The following GRID2 variants were observed in gnomAD, a reference collection of about 807,000 sequenced individuals.
GRID2 encodes glutamate ionotropic receptor delta type subunit 2.
In GRID2, 33 loss-of-function variants were observed where a neutral mutation model predicts 114.8. The ratio of observed to expected loss-of-function variants is 0.29; its 90% CI spans 0.22 to 0.38. The LOEUF (loss-of-function observed/expected upper bound fraction) is 0.38. GRID2 is among the 10% of genes least tolerant of loss of function. The pLI is 1.00. For synonymous variants in GRID2, 505 were observed against 449.9 expected (o/e 1.12, Z -1.55); for missense variants, 1,184 against 1,257.7 (o/e 0.94, Z 0.89).
At chr4:92,996,763 T>C (rs1276612756) in intron 2 of GRID2, among the ~76,000 whole-genome samples, 1 of 152,184 alleles carries the variant, frequency 6.6e-6, no homozygotes, top group Admixed American at 6.6e-5. Flanking sequence ...CTGGCACCCG[T>C]TGGAGCAGGC....
chr4:92,725,015 AG>A (rs1202143998), intron 2 of GRID2, among the ~76,000 whole-genome samples: 1 of 152,080 alleles, frequency 6.6e-6, no homozygotes, highest in Non-Finnish European at 1.5e-5. Context: ...ATAAGGAGTT[AG>A]GGGGCTGGGC....
At chr4:93,592,837 T>C (rs1738543774) in intron 13 of GRID2, among the ~76,000 whole-genome samples, 1 of 152,184 alleles carries the variant, frequency 6.6e-6, no homozygotes, top group Non-Finnish European at 1.5e-5. Flanking sequence ...CTTTTGATCT[T>C]TGTTGGCTTA....
chr4:93,494,744 C>G (rs151136329), intron 12 of GRID2, among the ~76,000 whole-genome samples: 2 of 151,738 alleles, frequency 1.3e-5, no homozygotes, highest in Admixed American at 6.6e-5. Flanking sequence ...ACAATTTGGG[C>G]TTTTTCATTC....
chr4:93,262,517 A>G (rs916873367), intron 8 of GRID2, among the ~76,000 whole-genome samples: 3 of 151,962 alleles, frequency 2.0e-5, no homozygotes, highest in African/African-American at 7.2e-5. Flanking sequence ...TTATATACAT[A>G]TATTTTCCAC....
At chr4:92,319,255 A>G (rs1726178515) in intron 1 of GRID2, among the ~76,000 whole-genome samples, 1 of 152,152 alleles carries the variant, frequency 6.6e-6, no homozygotes, top group Non-Finnish European at 1.5e-5. Context: ...AGTCTAATCT[A>G]CCTAAATGAT....
In GRID2 at chr4:93,744,744, T is replaced by C. The variant is rs1361661768; in HGVS notation, c.2361-24466T>C. On this transcript the variant is annotated intron_variant, in intron 14 of 15. Coordinates refer to ENST00000282020, the MANE Select transcript of GRID2 (RefSeq NM_001510.4). ...GCTGACTCCATTTCAAAAGACATTCTACTGTGGATAAAATGCTATCAAACA... is the reference window on the plus strand; with the variant it reads ...GCTGACTCCATTTCAAAAGACATTCCACTGTGGATAAAATGCTATCAAACA... Among the ~76,000 whole-genome samples the C allele has an allele frequency of 3.9e-5, 6 of 152,308 alleles. No individual in the cohort carries two copies. The East Asian group carries it at 1.2e-3, about 29-fold the overall frequency.
At position 92,472,157 on chromosome 4, in the gene GRID2, T is replaced by C. The variant is rs1722076161; in HGVS notation, c.89-117974T>C. Among the ~76,000 whole-genome samples, 2 of 62,548 alleles carry C rather than the reference T, an allele frequency of 3.2e-5. 1 individual carries two copies. Among genetic ancestry groups the C allele is most frequent in the Non-Finnish European group, 6.6e-5 (2 of 30,372 alleles). The allele number at this position is 62,548 out of a possible 152,430, so 41.0% of individuals were successfully genotyped here. A position where few individuals can be genotyped will look rare whatever the true frequency, so the allele number is the denominator to read the frequency against. ...ACCGTTTTAGCCGGGATGGTCTCGA[T>C]CTCCTGACCTCGTGATCCGCCCGCC... On this transcript the variant is annotated intron_variant, in intron 1 of 15. Transcript: ENST00000282020.
intron 1 of GRID2, among the ~76,000 whole-genome samples, chr4:92,320,829 T>C (rs1042977526): frequency 3.9e-5 from 6 of 152,204 alleles, no homozygotes; most frequent in Admixed American, 1.3e-4. Flanking sequence ...TTCTGTTTTT[T>C]ACTATAAGTG....
At chr4:92,357,282 A>G (rs1049528696) in intron 1 of GRID2, among the ~76,000 whole-genome samples, 6 of 151,918 alleles carry the variant, frequency 3.9e-5, no homozygotes, top group Non-Finnish European at 7.4e-5. Context: ...AAAAACTAGA[A>G]CATTAATATT....
intron 4 of GRID2, among the ~76,000 whole-genome samples, chr4:93,177,804 A>C (rs533527243): frequency 1.4e-3 from 213 of 152,220 alleles, no homozygotes; most frequent in African/African-American, 4.8e-3. Flanking sequence ...TTTTTTTCTA[A>C]ACTACCATTA....
At chr4:92,861,612 G>A (rs1212004472) in intron 2 of GRID2, among the ~76,000 whole-genome samples, 1 of 151,922 alleles carries the variant, frequency 6.6e-6, no homozygotes, top group Non-Finnish European at 1.5e-5. Flanking sequence ...TAAGCGATAG[G>A]CATGGTAATG....
intron 14 of GRID2, among the ~76,000 whole-genome samples, chr4:93,703,959 T>G (rs1727759887): frequency 1.3e-5 from 2 of 152,116 alleles, no homozygotes; most frequent in Admixed American, 6.5e-5. Flanking sequence ...TAAACATACG[T>G]GTGCATGTGT....
chr4:93,194,592 C>A (rs1029817790), intron 4 of GRID2, among the ~76,000 whole-genome samples: 1 of 152,096 alleles, frequency 6.6e-6, no homozygotes, highest in Non-Finnish European at 1.5e-5. Flanking sequence ...TCATTTAGAA[C>A]AGGACAAACT....
In GRID2 at chr4:93,053,158, C is replaced by T. The variant is rs1379122244; in HGVS notation, c.245-31837C>T. 2.0e-5 allele frequency among the ~76,000 whole-genome samples: 3 copies of T among 151,884 alleles called. No homozygotes were observed. In the East Asian group the frequency reaches 5.8e-4, roughly 29 times the overall value. ...ATCACAGTAGTCAATATCAATGGTT[C>T]TTAAAGCGTTGTCCCAGAGCAGCAG... is the stretch of plus-strand genomic sequence containing the variant. On this transcript the variant is annotated intron_variant, in intron 2 of 15. Coordinates refer to ENST00000282020, the MANE Select transcript of GRID2 (RefSeq NM_001510.4).
At chr4:93,017,882 C>CTTTT (rs528393000) in intron 2 of GRID2, among the ~76,000 whole-genome samples, 1 of 119,114 alleles carries the variant, frequency 8.4e-6, no homozygotes, top group African/African-American at 3.1e-5. Flanking sequence ...AGACAGTAAG[C>CTTTT]TTTTTTTTTT....
At chr4:93,701,973 T>C (rs1031284151) in intron 14 of GRID2, among the ~76,000 whole-genome samples, 11 of 152,116 alleles carry the variant, frequency 7.2e-5, no homozygotes, top group Non-Finnish European at 1.3e-4. Context: ...AGTTTTGTCT[T>C]ATATTTCCAG....
intron 15 of GRID2, among the ~76,000 whole-genome samples, chr4:93,770,996 G>A (rs1734063592): frequency 6.6e-6 from 1 of 151,910 alleles, no homozygotes; most frequent in Non-Finnish European, 1.5e-5. Context: ...TTTCACTGAG[G>A]AACACTATAA....
At chr4:92,394,430 TAA>T (rs1315837001) in intron 1 of GRID2, among the ~76,000 whole-genome samples, 3 of 152,036 alleles carry the variant, frequency 2.0e-5, no homozygotes, top group African/African-American at 7.2e-5. Context: ...TCATTAATCA[TAA>T]ATTCTAGAAA....
intron 13 of GRID2, among the ~76,000 whole-genome samples, chr4:93,577,185 C>CT (rs775266906): frequency 3.3e-5 from 5 of 152,072 alleles, no homozygotes; most frequent in Non-Finnish European, 7.4e-5. Context: ...CCTCAAATAT[C>CT]TTAAAGCCCA....
Sources: allele counts gnomAD v4.1 joint callset (sites outside exome capture counted in the v4.1 genomes callset), GRCh38; gene constraint gnomAD v4.1.1; transcripts MANE v1.5; gene names NCBI Gene and HGNC (gene_info 2026-07-23, HGNC 2026-07-21).